The following CSMD1 variants were observed in gnomAD, a reference collection of about 807,000 sequenced individuals.
The protein encoded by CSMD1 is CUB and Sushi multiple domains 1.
A neutral mutation model predicts 417.5 loss-of-function variants in CSMD1; 213 were observed. The observed-to-expected ratio is 0.51, with a 90% confidence interval of 0.46 to 0.57. The LOEUF is 0.57. Ranked by LOEUF, CSMD1 falls within the 20% of genes least tolerant of loss-of-function variation. The pLI, the probability that CSMD1 is intolerant of heterozygous loss-of-function variation, is 0.00. For synonymous variants in CSMD1, 2,862 were observed against 1,736.8 expected (o/e 1.65, Z -16.11); for missense variants, 6,923 against 4,529.7 (o/e 1.53, Z -15.17).
chr8:3,066,918 T>G (rs7815219), intron 49 of CSMD1, among the ~76,000 whole-genome samples: 7,160 of 152,236 alleles, frequency 0.047, 563 homozygotes, highest in African/African-American at 0.16. Context: ...TCAGGCTAAG[T>G]AGGAGCTTCT....
chr8:3,461,044 G>C (rs1433554445), intron 12 of CSMD1, among the ~76,000 whole-genome samples: 1 of 152,186 alleles, frequency 6.6e-6, no homozygotes, highest in Non-Finnish European at 1.5e-5. Flanking sequence ...TGAATTTACA[G>C]CACATGAGTT....
chr8:4,390,497 T>TTTTTTTTTTTTTTATTTATTTATTTA (rs58291340), intron 3 of CSMD1, among the ~76,000 whole-genome samples: 1 of 140,324 alleles, frequency 7.1e-6, no homozygotes. Context: ...AAGCGTCCAT[T>TTTTTTTTTTTTTTATTTATTTATTTA]TTTATTTATT....
intron 1 of CSMD1, among the ~76,000 whole-genome samples, chr8:4,801,840 A>C (rs774760557): frequency 6.6e-6 from 1 of 152,212 alleles, no homozygotes; most frequent in Non-Finnish European, 1.5e-5. Context: ...AAAGGATAGA[A>C]TTATTGTTTC....
intron 3 of CSMD1, among the ~76,000 whole-genome samples, chr8:4,058,438 G>C (rs1274250530): frequency 1.3e-5 from 2 of 152,074 alleles, no homozygotes; most frequent in African/African-American, 2.4e-5. Flanking sequence ...TTTTCGGCTG[G>C]GACAATGGGG....
At chr8:3,721,478 C>G (rs912667548) in intron 6 of CSMD1, among the ~76,000 whole-genome samples, 4 of 152,122 alleles carry the variant, frequency 2.6e-5, no homozygotes, top group Admixed American at 1.3e-4. Context: ...AGTTTAACAT[C>G]GGTCACTAAG....
chr8:4,179,201 A>G (rs1293919148), intron 3 of CSMD1, among the ~76,000 whole-genome samples: 2 of 152,140 alleles, frequency 1.3e-5, no homozygotes, highest in Non-Finnish European at 2.9e-5. Context: ...CAGAAACCAA[A>G]ACAGCATGGT....
chr8:3,488,265 G>C (rs1292349981), intron 11 of CSMD1, among the ~76,000 whole-genome samples: 1 of 151,862 alleles, frequency 6.6e-6, no homozygotes, highest in Non-Finnish European at 1.5e-5. Context: ...ACCACACCCG[G>C]CTAATTTTTG....
intron 25 of CSMD1, among the ~76,000 whole-genome samples, chr8:3,296,060 A>G (rs4875555): frequency 0.49 from 74,816 of 151,680 alleles, 20,794 homozygotes; most frequent in South Asian, 0.63. Flanking sequence ...ATAACAAATG[A>G]GTGAAGAATA....
At chr8:3,139,064 A>T (rs1481013948) in intron 41 of CSMD1, among the ~76,000 whole-genome samples, 2 of 152,106 alleles carry the variant, frequency 1.3e-5, no homozygotes, top group Non-Finnish European at 2.9e-5. Flanking sequence ...ACTTAGTGAG[A>T]TGGGGGCACT....
intron 2 of CSMD1, among the ~76,000 whole-genome samples, chr8:4,532,081 T>G (rs1796846891): frequency 1.4e-5 from 2 of 139,300 alleles, no homozygotes; most frequent in African/African-American, 5.6e-5. Context: ...TCATTCACAG[T>G]CACTCTGGAA....
At chr8:4,452,503 C>G (rs916414202) in intron 2 of CSMD1, among the ~76,000 whole-genome samples, 1 of 152,144 alleles carries the variant, frequency 6.6e-6, no homozygotes, top group African/African-American at 2.4e-5. Context: ...CTAACTACAG[C>G]TTTAATTTTA....
At chr8:4,588,988 A>G (rs79610068) in intron 2 of CSMD1, among the ~76,000 whole-genome samples, 8,655 of 152,136 alleles carry the variant, frequency 0.057, 499 homozygotes, top group East Asian at 0.14. Flanking sequence ...TATATAATAT[A>G]CATTATATAA....
rs966348683 is a variant in CSMD1, at chr8:3,928,893, C to A, written c.818+69010G>T. Among the ~76,000 whole-genome samples, 5 of 146,798 alleles carry A rather than the reference C, an allele frequency of 3.4e-5. 1 individual carries two copies. Among genetic ancestry groups the A allele is most frequent in the Non-Finnish European group, 7.5e-5 (5 of 67,022 alleles). ...CATGGAGCTTTCCACTGTTGCTTATCAGTGATCTTTCTTTTCGTATACCTG... is the reference window on the plus strand; with the variant it reads ...CATGGAGCTTTCCACTGTTGCTTATAAGTGATCTTTCTTTTCGTATACCTG... On this transcript the variant is annotated intron_variant, in intron 5 of 69. Coordinates refer to ENST00000635120, the MANE Select transcript of CSMD1 (RefSeq NM_033225.6).
At chr8:4,727,158 C>G (rs1465130932) in intron 1 of CSMD1, among the ~76,000 whole-genome samples, 2 of 152,092 alleles carry the variant, frequency 1.3e-5, no homozygotes, top group Non-Finnish European at 2.9e-5. Flanking sequence ...CGCTCTCAAT[C>G]CACCGTAGGC....
intron 5 of CSMD1, among the ~76,000 whole-genome samples, chr8:3,955,638 A>C (rs1044064230): frequency 2.2e-4 from 34 of 152,116 alleles, no homozygotes; most frequent in Non-Finnish European, 8.8e-5. Context: ...TAAATACCTC[A>C]CTACTTCCTC....
chr8:3,660,800 C>T (rs1232222944), intron 7 of CSMD1, among the ~76,000 whole-genome samples: 2 of 152,204 alleles, frequency 1.3e-5, no homozygotes, highest in Non-Finnish European at 1.5e-5. Context: ...GAATCACAGG[C>T]GTGAGCCACC....
At chr8:3,415,860 A>G (rs1813110599) in intron 12 of CSMD1, among the ~76,000 whole-genome samples, 1 of 152,208 alleles carries the variant, frequency 6.6e-6, no homozygotes, top group Admixed American at 6.5e-5. Context: ...TTGTTTAGAA[A>G]CATATCCCCA....
intron 6 of CSMD1, among the ~76,000 whole-genome samples, chr8:3,748,681 T>A (rs1273795429): frequency 6.6e-6 from 1 of 152,224 alleles, no homozygotes; most frequent in Non-Finnish European, 1.5e-5. Flanking sequence ...GAATGGGGAA[T>A]GCATACGTTT....
intron 5 of CSMD1, among the ~76,000 whole-genome samples, chr8:3,819,470 C>T (rs967665254): frequency 2.6e-5 from 4 of 151,886 alleles, no homozygotes; most frequent in South Asian, 2.1e-4. Context: ...CACCTTCAAT[C>T]GTCGGTGGCA....
Sources: allele counts gnomAD v4.1 joint callset (sites outside exome capture counted in the v4.1 genomes callset), GRCh38; gene constraint gnomAD v4.1.1; transcripts MANE v1.5; gene names NCBI Gene and HGNC (gene_info 2026-07-23, HGNC 2026-07-21).